EHMT1: variants seen among roughly 807,000 people sequenced by gnomAD.
The protein encoded by EHMT1 is histone-lysine N-methyltransferase EHMT1.
In EHMT1, 15 loss-of-function variants were observed where a neutral mutation model predicts 147.2. The ratio of observed to expected loss-of-function variants is 0.10; its 90% CI spans 0.07 to 0.16. The LOEUF (loss-of-function observed/expected upper bound fraction) is 0.16. Among genes scored for constraint, EHMT1 ranks in the 10% least tolerant of loss-of-function variants. EHMT1 has a pLI of 1.00. For missense variants in EHMT1, 1,587 were observed against 1,772.4 expected (o/e 0.90, Z 1.88); for synonymous variants, 795 against 709.6 (o/e 1.12, Z -1.91).
At chr9:137,632,604 A>G (rs553080496) in intron 1 of EHMT1, among the ~76,000 whole-genome samples, 20 of 152,168 alleles carry the variant, frequency 1.3e-4, no homozygotes, top group African/African-American at 9.6e-5. Flanking sequence ...GGGTTTCACA[A>G]TGTTACCCAG....
At chr9:137,796,871 A>T (rs1474499488) in intron 16 of EHMT1, among the ~76,000 whole-genome samples, 2 of 134,524 alleles carry the variant, frequency 1.5e-5, no homozygotes, top group African/African-American at 5.6e-5. Flanking sequence ...AACAGGTGGA[A>T]AAGACTGACG....
intron 8 of EHMT1, among the ~76,000 whole-genome samples, chr9:137,754,882 T>C (rs1949259637): frequency 6.6e-6 from 1 of 152,202 alleles, no homozygotes; most frequent in South Asian, 2.1e-4. Flanking sequence ...GACTGGAACC[T>C]GTGGCCTGCA....
chr9:137,710,877 T>G, intron 1 of EHMT1, 90 bp from the exon 2 acceptor site: 7 of 1,439,896 alleles, frequency 4.9e-6, no homozygotes, highest in Non-Finnish European at 6.6e-6. Flanking sequence ...ATGTTGTAAC[T>G]ACGATTTTTT....
chr9:137,798,711 A>C (rs1588769851), intron 16 of EHMT1, 102 bp from the exon 17 acceptor site: 2 of 944,118 alleles, frequency 2.1e-6, no homozygotes, highest in Non-Finnish European at 1.7e-6. Flanking sequence ...ACAGTACCCC[A>C]CCCGCATGGT....
At chr9:137,704,900 T>A (rs904928293) in intron 1 of EHMT1, among the ~76,000 whole-genome samples, 13 of 148,586 alleles carry the variant, frequency 8.7e-5, no homozygotes, top group Non-Finnish European at 1.9e-4. Flanking sequence ...TTTCCTTTCC[T>A]TGTTCCTTCC....
chr9:137,748,339 G>A (rs2136128783), intron 6 of EHMT1, among the ~76,000 whole-genome samples: 1 of 152,314 alleles, frequency 6.6e-6, no homozygotes, highest in East Asian at 1.9e-4. Context: ...AGAGTGTGCG[G>A]GGCCTTAGGC....
At chr9:137,804,710 G>A (rs1038926784) in intron 18 of EHMT1, among the ~76,000 whole-genome samples, 4 of 151,954 alleles carry the variant, frequency 2.6e-5, no homozygotes, top group Non-Finnish European at 5.9e-5. Flanking sequence ...TGGTTTGGGG[G>A]TTTACATTTA....
At chr9:137,758,910 G>A (rs1387221549) in intron 9 of EHMT1, among the ~76,000 whole-genome samples, 1 of 152,036 alleles carries the variant, frequency 6.6e-6, no homozygotes. Context: ...GGCAGATCAC[G>A]AGGTCAGGAG....
At chr9:137,695,631 C>G (rs1429280187) in intron 1 of EHMT1, among the ~76,000 whole-genome samples, 1 of 152,222 alleles carries the variant, frequency 6.6e-6, no homozygotes, top group Non-Finnish European at 1.5e-5. Flanking sequence ...CATCTGGTGG[C>G]CAGTGCTAGT....
intron 1 of EHMT1, among the ~76,000 whole-genome samples, chr9:137,673,360 T>C: frequency 6.6e-6 from 1 of 152,220 alleles, no homozygotes; most frequent in African/African-American, 2.4e-5. Flanking sequence ...GTTGCTCTTC[T>C]GATCTGAAAA....
rs1161752073 is a variant in EHMT1, at chr9:137,828,591, G to A, written c.3541-5758G>A. 6.6e-6 allele frequency among the ~76,000 whole-genome samples: 1 copy of A among 152,114 alleles called. No individual in the cohort carries two copies. Among genetic ancestry groups the A allele is most frequent in the Non-Finnish European group, 1.5e-5 (1 of 68,002 alleles). On this transcript the variant is annotated intron_variant, in intron 25 of 26. Transcript: ENST00000460843. This position sits in a 1 kb window ranked among gnomAD's most constrained non-coding sequence, Gnocchi z 5.3. ...GTGCTCCTGCGGGGGTGCGGGGTGG[G>A]GGAGGTACCACGTCTCCCGGGCAGC... is the stretch of plus-strand genomic sequence containing the variant.
chr9:137,651,511 C>A (rs951437116), intron 1 of EHMT1, among the ~76,000 whole-genome samples: 1 of 152,090 alleles, frequency 6.6e-6, no homozygotes, highest in Non-Finnish European at 1.5e-5. Flanking sequence ...TGGCCAGGTG[C>A]GGTGGCTCAC....
intron 7 of EHMT1, among the ~76,000 whole-genome samples, chr9:137,753,625 GGGGTGGGGGC>G (rs1275092269): frequency 1.3e-5 from 2 of 152,256 alleles, no homozygotes; most frequent in Non-Finnish European, 1.5e-5. Flanking sequence ...CTCCTGTGGA[GGGGTGGGGGC>G]GCCTGCTGTG....
intron 1 of EHMT1, among the ~76,000 whole-genome samples, chr9:137,696,130 C>G (rs1246822145): frequency 6.6e-6 from 1 of 151,888 alleles, no homozygotes; most frequent in Non-Finnish European, 1.5e-5. Context: ...CCTTTTTCTG[C>G]CAAGGGAAAA....
At chr9:137,780,359 GTGA>G (rs1951317730) in intron 14 of EHMT1, among the ~76,000 whole-genome samples, 1 of 123,116 alleles carries the variant, frequency 8.1e-6, no homozygotes, top group Non-Finnish European at 1.6e-5. Flanking sequence ...GAGACGTGTG[GTGA>G]TGACGCTGAG....
intron 1 of EHMT1, among the ~76,000 whole-genome samples, chr9:137,703,448 G>A (rs181417619): frequency 1.3e-5 from 2 of 152,310 alleles, no homozygotes; most frequent in East Asian, 3.9e-4. Flanking sequence ...GCATGTGAGT[G>A]TATGCTGTTA....
At chr9:137,757,460 T>G (rs1342519506) in intron 8 of EHMT1, among the ~76,000 whole-genome samples, 1 of 152,266 alleles carries the variant, frequency 6.6e-6, no homozygotes, top group Non-Finnish European at 1.5e-5. Flanking sequence ...TTTAGCTACT[T>G]TACATCTGAT....
chr9:137,768,785 C>T (rs1253166332), intron 10 of EHMT1, among the ~76,000 whole-genome samples: 3 of 151,194 alleles, frequency 2.0e-5, no homozygotes, highest in East Asian at 2.0e-4. Flanking sequence ...CTCCTGACCT[C>T]GTGATCCGCC....
intron 22 of EHMT1, 158 bp from the exon 23 acceptor site, chr9:137,815,789 A>G: frequency 2.9e-6 from 2 of 701,544 alleles, no homozygotes; most frequent in Non-Finnish European, 5.1e-6. Context: ...AACCGTACAC[A>G]TGGAGTTTTT....
Sources: allele counts gnomAD v4.1 joint callset (sites outside exome capture counted in the v4.1 genomes callset), GRCh38; gene constraint gnomAD v4.1.1; non-coding constraint Gnocchi (gnomAD v3.1); transcripts MANE v1.5; gene names NCBI Gene and HGNC (gene_info 2026-07-23, HGNC 2026-07-21).